Variants in CCDC73 observed in about 807,000 individuals in gnomAD.
CCDC73 encodes the protein coiled-coil domain-containing protein 73.
CCDC73 carries 95 observed loss-of-function variants against 116.5 expected under a neutral mutation model. The ratio of observed to expected loss-of-function variants is 0.82; its 90% CI spans 0.69 to 0.97. The LOEUF (loss-of-function observed/expected upper bound fraction) is 0.97, where lower values mean the gene tolerates loss of function less well. CCDC73 is among the 50% of genes least tolerant of loss of function. CCDC73 has a pLI of 0.00. For missense variants in CCDC73, 1,066 were observed against 1,206.8 expected (o/e 0.88, Z 1.73); for synonymous variants, 398 against 401.3 (o/e 0.99, Z 0.10).
chr11:32,798,996 AC>A (rs1372863767), upstream of CCDC73, among the ~76,000 whole-genome samples: 4 of 150,254 alleles, frequency 2.7e-5, no homozygotes, highest in African/African-American at 9.8e-5. Context: ...CTGCAGCCTT[AC>A]CTCCTGGTCT....
At chr11:32,788,050 C>A (rs1850643279) in intron 1 of CCDC73, among the ~76,000 whole-genome samples, 1 of 152,194 alleles carries the variant, frequency 6.6e-6, no homozygotes, top group Non-Finnish European at 1.5e-5. Flanking sequence ...GTTGCCTTAT[C>A]CGTTATACTG....
chr11:32,799,552 G>T (rs774250396), upstream of CCDC73, among the ~76,000 whole-genome samples: 1 of 152,066 alleles, frequency 6.6e-6, no homozygotes, highest in Non-Finnish European at 1.5e-5. Context: ...ACTTAACATA[G>T]ATTAAAGCCT....
chr11:32,620,719 A>C (rs1214775225), intron 14 of CCDC73, among the ~76,000 whole-genome samples: 1 of 152,014 alleles, frequency 6.6e-6, no homozygotes, highest in Non-Finnish European at 1.5e-5. Context: ...AGGGGATTAT[A>C]AAAGAGCAAT....
chr11:32,666,276 C>T (rs1408269674), intron 9 of CCDC73, among the ~76,000 whole-genome samples: 2 of 152,180 alleles, frequency 1.3e-5, no homozygotes, highest in Non-Finnish European at 2.9e-5. Flanking sequence ...GTTCCATTCT[C>T]CCCGTCACTT....
intron 9 of CCDC73, among the ~76,000 whole-genome samples, chr11:32,666,230 T>A (rs1369446752): frequency 6.6e-6 from 1 of 152,244 alleles, no homozygotes; most frequent in Non-Finnish European, 1.5e-5. Context: ...GGGGAAGTTC[T>A]CCTGGATAAT....
intron 2 of CCDC73, among the ~76,000 whole-genome samples, chr11:32,719,476 A>G (rs1208029342): frequency 6.6e-6 from 1 of 152,210 alleles, no homozygotes; most frequent in Non-Finnish European, 1.5e-5. Context: ...TAGTTCAAAG[A>G]CACACTAAAC....
chr11:32,626,073 A>G lies in CCDC73; in HGVS notation c.1185+9623T>C, dbSNP rs1419548300. 7.3e-5 allele frequency among the ~76,000 whole-genome samples: 11 copies of G among 150,600 alleles called. 1 individual carries two copies. The highest frequency in any genetic ancestry group is 6.8e-3 in the Middle Eastern group (2 of 294). On this transcript the variant is annotated intron_variant, in intron 14 of 17. Coordinates refer to ENST00000335185, the MANE Select transcript of CCDC73 (RefSeq NM_001008391.4). ...TTGCAGATGACATGATTGTATGTCTAGAAAACCCCATCGTCTCAGCCCAAA... is the reference window on the plus strand; with the variant it reads ...TTGCAGATGACATGATTGTATGTCTGGAAAACCCCATCGTCTCAGCCCAAA...
intron 3 of CCDC73, among the ~76,000 whole-genome samples, chr11:32,707,000 T>C (rs1849861143): frequency 6.6e-6 from 1 of 152,140 alleles, no homozygotes; most frequent in Non-Finnish European, 1.5e-5. Flanking sequence ...TCAAACCAAA[T>C]TGAAGATCTC....
intron 1 of CCDC73, among the ~76,000 whole-genome samples, chr11:32,791,654 A>T (rs1181492629): frequency 6.6e-6 from 1 of 152,158 alleles, no homozygotes; most frequent in African/African-American, 2.4e-5. Context: ...TTTCCCAATT[A>T]AAAAAACACT....
chr11:32,766,995 A>T (rs1337794791), intron 1 of CCDC73, among the ~76,000 whole-genome samples: 3 of 152,254 alleles, frequency 2.0e-5, no homozygotes, highest in African/African-American at 7.2e-5. Flanking sequence ...GGAATCAAAG[A>T]AGAGCTCGCA....
At chr11:32,762,403 A>T (rs941517164) in intron 1 of CCDC73, among the ~76,000 whole-genome samples, 18 of 152,194 alleles carry the variant, frequency 1.2e-4, no homozygotes, top group Admixed American at 2.0e-4. Context: ...AAATGAAGCA[A>T]AATTAAACTA....
At chr11:32,690,009 T>C (rs1361417699) in intron 6 of CCDC73, among the ~76,000 whole-genome samples, 1 of 151,322 alleles carries the variant, frequency 6.6e-6, no homozygotes, top group African/African-American at 2.4e-5. Context: ...AGAAAGAAAA[T>C]TACATAAGAT....
chr11:32,700,723 G>A, intron 5 of CCDC73, 68 bp downstream of exon 5: 2 of 728,716 alleles, frequency 2.7e-6, no homozygotes, highest in Non-Finnish European at 4.4e-6. Flanking sequence ...ATCTAGCTAT[G>A]TTTTAAATTA....
the CCDC73 span, among the ~76,000 whole-genome samples, chr11:32,804,451 C>T: frequency 6.6e-6 from 1 of 152,198 alleles, no homozygotes; most frequent in African/African-American, 2.4e-5. Flanking sequence ...TTTCTAGTAA[C>T]TTTTCATAGT....
intron 1 of CCDC73, among the ~76,000 whole-genome samples, chr11:32,790,137 G>A (rs1176050001): frequency 1.3e-5 from 2 of 152,140 alleles, no homozygotes; most frequent in Non-Finnish European, 2.9e-5. Context: ...TGAGAAGCAG[G>A]CAAGTCTTAG....
chr11:32,711,741 G>A (rs933059401), intron 3 of CCDC73, among the ~76,000 whole-genome samples: 1 of 152,108 alleles, frequency 6.6e-6, no homozygotes, highest in Admixed American at 6.5e-5. Context: ...AACACTACCT[G>A]CTCCCTAAAA....
chr11:32,826,656 A>C, the CCDC73 span, among the ~76,000 whole-genome samples: 2 of 133,188 alleles, frequency 1.5e-5, no homozygotes, highest in African/African-American at 5.8e-5. Context: ...CAAAAAAAAA[A>C]AAACAAAAAA....
intron 1 of CCDC73, among the ~76,000 whole-genome samples, chr11:32,763,911 T>A (rs184550630): frequency 0.037 from 5,617 of 152,072 alleles, 140 homozygotes; most frequent in Middle Eastern, 0.058. Flanking sequence ...TGTAGAGAAG[T>A]CCTTAAATGA....
chr11:32,697,481 C>CTTTTTTTTTT (rs771837421), intron 6 of CCDC73, among the ~76,000 whole-genome samples: 28 of 108,766 alleles, frequency 2.6e-4, no homozygotes, highest in Non-Finnish European at 4.0e-4. Flanking sequence ...TCTCTTTATT[C>CTTTTTTTTTT]TTTTTTTTTT....
Sources: allele counts gnomAD v4.1 joint callset (sites outside exome capture counted in the v4.1 genomes callset), GRCh38; gene constraint gnomAD v4.1.1; transcripts MANE v1.5; gene names NCBI Gene and HGNC (gene_info 2026-07-23, HGNC 2026-07-21).